The following CEP131 variants were observed in gnomAD, a reference collection of about 807,000 sequenced individuals.
CEP131 encodes the protein centrosomal protein of 131 kDa.
CEP131 carries 99 observed loss-of-function variants against 136.8 expected under a neutral mutation model. That is an observed-to-expected ratio of 0.72 (90% CI 0.62 to 0.86). CEP131 has a LOEUF of 0.86. Ranked by LOEUF, CEP131 falls within the 40% of genes least tolerant of loss-of-function variation. The pLI is 0.00. For synonymous variants in CEP131, 646 were observed against 612.7 expected, an observed-to-expected ratio of 1.05 and a Z score of -0.80; for missense variants, 1,459 against 1,463.0, an observed-to-expected ratio of 1.00 and a Z score of 0.04.
chr17:81,194,720 C>A, intron 17 of CEP131, 150 bp downstream of exon 17: 1 of 744,090 alleles, frequency 1.3e-6, no homozygotes, highest in Non-Finnish European at 2.4e-6. Flanking sequence ...CAGCGGAGGC[C>A]GTGACGGGGG....
In CEP131 at chr17:81,194,021, C is replaced by T. The variant is rs1428136157; in HGVS notation, c.2226G>A (p.Ser742=). 1.2e-5 allele frequency: 19 copies of T among 1,570,898 alleles called. No homozygotes were observed. In the East Asian group the frequency reaches 2.5e-4, roughly 21 times the overall value. The change falls in exon 18 of 26, where the codon TCG becomes TCA. Residue 742 remains serine, a synonymous_variant. Coordinates refer to ENST00000450824, the MANE Select transcript of CEP131 (RefSeq NM_014984.4). Reference sequence around the variant, plus strand: ...CCTCGGCCTGGCGCAGGCAGCGCTGCGAGGCCCGCTCATCCGACTGCAGCA... The same window carrying T: ...CCTCGGCCTGGCGCAGGCAGCGCTGTGAGGCCCGCTCATCCGACTGCAGCA... ...AELLQSDERA[S]QRCLRQAEEL...
Position 81,190,731 on chromosome 17 carries a change from C to T in CEP131, c.3015G>A (p.Leu1005=). The T allele has an allele frequency of 1.2e-6, 2 of 1,611,438 alleles. No individual in the cohort carries two copies. The highest frequency in any genetic ancestry group is 1.7e-6 in the Non-Finnish European group (2 of 1,179,492). The stretch of plus-strand genomic sequence containing the variant: ...GCCGCGTCTCCTCCTCAGAGGCTGC[C>T]AGCCGGTCCTCGAACTCCTGGCGGA... The part of the protein sequence containing the change: ...QVIRQEFEDR[L]AASEEETRQA... The change falls in exon 24 of 26, where the codon CTG becomes CTA. Residue 1005 remains leucine, a synonymous_variant. Coordinates refer to ENST00000450824, the MANE Select transcript of CEP131 (RefSeq NM_014984.4).
chr17:81,198,914 G>T lies in CEP131; in HGVS notation c.1250C>A (p.Ser417Tyr). The change falls in exon 11 of 26, where the codon TCC (serine) becomes TAC (tyrosine). Residue 417 changes from serine (S) to tyrosine (Y), a missense_variant. This residue lies in a region of CEP131 where 1,026 missense variants were observed against 964.2 expected (regional missense o/e 1.06). Transcript: ENST00000450824. ...GDRCLPTSDS[S>Y]PEPQQPPEDR... ...CTCTGGAGGCTGCTGTGGTTCTGGG[G>T]ATGAGTCGGAGGTGGGCAGGCAGCG... is the stretch of plus-strand genomic sequence containing the variant. 2 of 1,593,586 alleles carry T rather than the reference G, an allele frequency of 1.3e-6. No individual in the cohort carries two copies. Among genetic ancestry groups the T allele is most frequent in the East Asian group, 2.3e-5 (1 of 44,154 alleles).
rs11382761 is a variant in CEP131, at chr17:81,219,296, CTT to C, written c.177+582_177+583del. Among the ~76,000 whole-genome samples, 4 of 131,400 alleles carry C rather than the reference CTT, an allele frequency of 3.0e-5. No individual in the cohort carries two copies. Among genetic ancestry groups the C allele is most frequent in the Non-Finnish European group, 1.6e-5 (1 of 63,724 alleles). The allele number at this position is 131,400 out of a possible 152,430, so 86.2% of individuals were successfully genotyped here. On this transcript the variant is annotated intron_variant, in intron 2 of 25. Coordinates refer to ENST00000450824, the MANE Select transcript of CEP131 (RefSeq NM_014984.4). The surrounding 1 kb of genome is among the most constrained non-coding windows in gnomAD (Gnocchi z 4.0). ...CCCCACAGGTCAACCCCATTTCTTTCTTTTTTTTTTTTTTTTGAGATGGCATC... is the reference window on the plus strand; with the variant it reads ...CCCCACAGGTCAACCCCATTTCTTTCTTTTTTTTTTTTTTGAGATGGCATC...
chr17:81,218,319 G>A (rs1029386386), intron 2 of CEP131, among the ~76,000 whole-genome samples: 3 of 152,314 alleles, frequency 2.0e-5, no homozygotes, highest in African/African-American at 4.8e-5. Context: ...CTGGGATCAC[G>A]GGCGTGAGCC....
At chr17:81,209,562 C>T (rs1598309701) in intron 2 of CEP131, among the ~76,000 whole-genome samples, 1 of 104,062 alleles carries the variant, frequency 9.6e-6, no homozygotes, top group African/African-American at 3.5e-5. Context: ...AGACACTAAG[C>T]AAGGATCAGA....
chr17:81,189,695 T>C lies in CEP131; in HGVS notation c.*74A>G. On this transcript the variant is annotated 3_prime_UTR_variant, in exon 26 of 26. Transcript: ENST00000450824. ...TCTGTGGGGGGCAGGTGGGCGTCCC[T>C]GTGGGCCTCTGGGCCCACGTCCAGC... 2 of 1,454,892 alleles carry C rather than the reference T, an allele frequency of 1.4e-6. No homozygotes were observed. The highest frequency in any genetic ancestry group is 2.3e-5 in the East Asian group (1 of 42,596). 90.1% of individuals were successfully genotyped at this position (1,454,892 alleles called of 1,614,324 possible). A position where few individuals can be genotyped will look rare whatever the true frequency, so the allele number is the denominator to read the frequency against.
At chr17:81,216,865 G>A (rs1323760535) in intron 2 of CEP131, among the ~76,000 whole-genome samples, 2 of 152,238 alleles carry the variant, frequency 1.3e-5, no homozygotes, top group Non-Finnish European at 2.9e-5. Flanking sequence ...CCTGGGGTCA[G>A]TTTCGCAGCC....
At chr17:81,196,048 A>C in intron 15 of CEP131, 97 bp from the exon 16 acceptor site, 1 of 990,502 alleles carries the variant, frequency 1.0e-6, no homozygotes. Flanking sequence ...GGAGGCTAAC[A>C]GCAGCCCTCC....
At chr17:81,197,340 C>T (rs1051563256) in intron 13 of CEP131, 2 of 548,194 alleles carry the variant, frequency 3.6e-6, no homozygotes, top group South Asian at 4.6e-5. Context: ...CGTCACTGCT[C>T]CATTTAGCCT....
rs1423283481 is a variant in CEP131, at chr17:81,203,251, A to T, written c.629+243T>A. Among the ~76,000 whole-genome samples, 1 of 152,100 alleles carries T rather than the reference A, an allele frequency of 6.6e-6. No homozygotes were observed. Among genetic ancestry groups the T allele is most frequent in the Non-Finnish European group, 1.5e-5 (1 of 68,012 alleles). On this transcript the variant is annotated intron_variant, in intron 6 of 25. Transcript: ENST00000450824. This position sits in a 1 kb window ranked among gnomAD's most constrained non-coding sequence, Gnocchi z 4.6. ...TGGGAAGCTGCCGACCCAAGAACAGAAGAGGGCGGCGGACGTGGATGGGGA... is the reference window on the plus strand; with the variant it reads ...TGGGAAGCTGCCGACCCAAGAACAGTAGAGGGCGGCGGACGTGGATGGGGA...
chr17:81,199,115 C>T (rs1257101232), intron 10 of CEP131, 144 bp from the exon 11 acceptor site: 22 of 861,188 alleles, frequency 2.6e-5, no homozygotes, highest in Non-Finnish European at 3.5e-5. Context: ...CCACGGCCTT[C>T]TGGGTGTGGA....
At chr17:81,195,581 G>A (rs970811914) in intron 16 of CEP131, among the ~76,000 whole-genome samples, 1 of 152,112 alleles carries the variant, frequency 6.6e-6, no homozygotes, top group Non-Finnish European at 1.5e-5. Context: ...TGCTGTGGCC[G>A]GGCAGGGACT....
intron 11 of CEP131, 107 bp downstream of exon 11, chr17:81,198,770 T>C: frequency 8.5e-7 from 1 of 1,171,484 alleles, no homozygotes; most frequent in East Asian, 2.5e-5. Flanking sequence ...AAGTGGCCCC[T>C]AGAGCAGAGG....
Position 81,199,393 on chromosome 17 carries a change from C to A in CEP131, c.1180G>T (p.Ala394Ser). Reference sequence around the variant, plus strand: ...GAGCCACTCTCACCAGTATTGTTGGCCTTGAGGGCCTGGTGGGCAGTGCCG... The same window carrying A: ...GAGCCACTCTCACCAGTATTGTTGGACTTGAGGGCCTGGTGGGCAGTGCCG... ...PGGTAHQALKANNTGGGLPAA... is the reference protein window; with the variant it reads ...PGGTAHQALKSNNTGGGLPAA... Residue 394 changes from alanine to serine, a missense_variant, in exon 10 of 26, where the codon GCC (alanine) becomes TCC (serine). Ala to Ser is a moderately conservative substitution (Grantham distance 99). Around this residue, in one of 3 missense-constraint regions of CEP131, gnomAD observed 1,026 missense variants for 964.2 expected, o/e 1.06. Transcript: ENST00000450824. 1 of 1,603,542 alleles carries A rather than the reference C, an allele frequency of 6.2e-7. No individual in the cohort carries two copies. The highest frequency in any genetic ancestry group is 1.7e-5 in the Admixed American group (1 of 58,666).
At position 81,208,318 on chromosome 17, in the gene CEP131, C is replaced by T. The variant is rs1051496400; in HGVS notation, c.272+610G>A. On this transcript the variant is annotated intron_variant, in intron 3 of 25. Transcript: ENST00000450824. This position sits in a 1 kb window ranked among gnomAD's most constrained non-coding sequence, Gnocchi z 5.6. ...CAGAACTCAGCCTTCATTAGGTCCA[C>T]GGCCCCACAGGAGCACCCTGCTCGC... Among the ~76,000 whole-genome samples the T allele has an allele frequency of 1.3e-5, 2 of 152,212 alleles. No homozygotes were observed. Among genetic ancestry groups the T allele is most frequent in the African/African-American group, 2.4e-5 (1 of 41,458 alleles).
intron 1 of CEP131, among the ~76,000 whole-genome samples, chr17:81,221,414 G>C (rs1413625720): frequency 1.3e-5 from 2 of 152,156 alleles, no homozygotes; most frequent in East Asian, 3.8e-4. Context: ...TCGTGCATGT[G>C]CCCCTGCCAA....
intron 7 of CEP131, 49 bp downstream of exon 7, chr17:81,202,191 C>T (rs746009094): frequency 3.7e-5 from 50 of 1,366,270 alleles, no homozygotes; most frequent in Non-Finnish European, 4.2e-5. Context: ...GCCTGCCCAC[C>T]TCTGTGTTCT....
In CEP131 at chr17:81,199,512, G is replaced by T; in HGVS notation, c.1061C>A (p.Ala354Glu). Reference protein sequence around the residue: ...QQKRALRAQKASTAERGPPEN... With the variant: ...QQKRALRAQKESTAERGPPEN... Reference sequence around the variant, plus strand: ...AGGTGGCCCACGCTCGGCAGTGCTCGCCTTCTGGGCTCTCAGGGCTCGTTT... The same window carrying T: ...AGGTGGCCCACGCTCGGCAGTGCTCTCCTTCTGGGCTCTCAGGGCTCGTTT... The change falls in exon 10 of 26, where the codon GCG becomes GAG. Residue 354 changes from alanine (A) to glutamate (E), a missense_variant. Ala to Glu is a moderately radical substitution (Grantham distance 107, BLOSUM62 -1). Transcript: ENST00000450824. The T allele has an allele frequency of 6.2e-7, 1 of 1,608,172 alleles. No homozygotes were observed. The highest frequency in any genetic ancestry group is 8.5e-7 in the Non-Finnish European group (1 of 1,177,890).
Sources: gnomAD v4.1 joint callset for allele counts (sites outside exome capture counted in the v4.1 genomes callset) on GRCh38, gnomAD v4.1.1 for gene constraint, gnomAD v4.1.1 regional missense constraint, Gnocchi (gnomAD v3.1) non-coding constraint, MANE v1.5 for transcripts, NCBI Gene and HGNC (gene_info 2026-07-23, HGNC 2026-07-21) for gene names.